MAPK10: variants seen among roughly 807,000 people sequenced by gnomAD.
MAPK10 encodes the protein mitogen-activated protein kinase 10.
MAPK10 carries 25 observed loss-of-function variants against 59.3 expected under a neutral mutation model. The observed-to-expected ratio is 0.42, with a 90% CI of 0.31 to 0.59. The LOEUF (loss-of-function observed/expected upper bound fraction) is 0.59, where lower values mean the gene tolerates loss of function less well. Ranked by LOEUF, MAPK10 falls within the 20% of genes least tolerant of loss-of-function variation. MAPK10 has a pLI of 0.15. For missense variants in MAPK10, 351 were observed against 568.9 expected (o/e 0.62, Z 3.90); for synonymous variants, 190 against 200.5 (o/e 0.95, Z 0.44).
intron 1 of MAPK10, among the ~76,000 whole-genome samples, chr4:86,502,908 T>G (rs1323606389): frequency 1.3e-5 from 2 of 152,108 alleles, no homozygotes; most frequent in Admixed American, 6.6e-5. Flanking sequence ...GTGAGGCTTA[T>G]TCTGTGTGGA....
At chr4:86,300,847 A>G (rs889063266) in intron 2 of MAPK10, 1 of 151,820 alleles carries the variant, frequency 6.6e-6, no homozygotes, top group Non-Finnish European at 1.5e-5. Flanking sequence ...TCTTCATGAC[A>G]ACATCTTGAC....
intron 2 of MAPK10, among the ~76,000 whole-genome samples, chr4:86,345,963 T>C (rs1315438793): frequency 1.3e-5 from 2 of 152,210 alleles, no homozygotes; most frequent in Non-Finnish European, 2.9e-5. Flanking sequence ...TGAATAGCAA[T>C]GGTTGAAGTC....
At chr4:86,069,366 G>A (rs992127666) in intron 9 of MAPK10, among the ~76,000 whole-genome samples, 4 of 149,954 alleles carry the variant, frequency 2.7e-5, no homozygotes, top group African/African-American at 4.9e-5. Context: ...AAATGAAGGT[G>A]GGAAAAACAA....
intron 1 of MAPK10, among the ~76,000 whole-genome samples, chr4:86,382,839 G>A (rs904091217): frequency 1.3e-5 from 2 of 152,122 alleles, no homozygotes; most frequent in African/African-American, 4.8e-5. Flanking sequence ...AACGTGACAG[G>A]CAGTGGAGTA....
chr4:86,442,243 CAA>C lies in MAPK10; in HGVS notation c.-122+10785_-122+10786del, dbSNP rs138819609. Among the ~76,000 whole-genome samples the C allele has an allele frequency of 2.3e-3, 343 of 152,184 alleles. 2 individuals are homozygous for C. The highest frequency in any genetic ancestry group is 8.0e-3 in the African/African-American group (333 of 41,530). ...TAATAATCCATATAATGTTATTTTT[CAA>C]AGTCTTTCAAATTATTTCAATATTT... is the stretch of plus-strand genomic sequence containing the variant. On this transcript the variant is annotated intron_variant, in intron 1 of 13. Coordinates refer to the MAPK10 transcript ENST00000361569.
At chr4:86,296,044 T>C (rs1423337629) in intron 2 of MAPK10, among the ~76,000 whole-genome samples, 1 of 151,154 alleles carries the variant, frequency 6.6e-6, no homozygotes, top group Non-Finnish European at 1.5e-5. Context: ...GGCTTGGTGG[T>C]GGGCATCTGT....
At chr4:86,081,303 T>G (rs1209129541) in intron 9 of MAPK10, 5 of 152,032 alleles carry the variant, frequency 3.3e-5, no homozygotes, top group Non-Finnish European at 7.4e-5. Context: ...TCCAGTAAAG[T>G]TATAGCACAA....
intron 1 of MAPK10, among the ~76,000 whole-genome samples, chr4:86,577,945 A>G (rs527466361): frequency 1.3e-5 from 2 of 152,236 alleles, no homozygotes; most frequent in Non-Finnish European, 2.9e-5. Context: ...TCCTGATACT[A>G]GGATTAAGGT....
intron 3 of MAPK10, chr4:86,193,943 C>T (rs1358134592): frequency 5.3e-6 from 1 of 189,264 alleles, no homozygotes. Flanking sequence ...AGCATCTGCG[C>T]CAGAGTGCAC....
At chr4:86,216,314 A>G (rs2087610231) in intron 2 of MAPK10, among the ~76,000 whole-genome samples, 1 of 148,320 alleles carries the variant, frequency 6.7e-6, no homozygotes, top group Non-Finnish European at 1.5e-5. Flanking sequence ...ATATATATAT[A>G]TATAGCCACA....
intron 4 of MAPK10, among the ~76,000 whole-genome samples, chr4:86,137,532 G>A (rs2062520792): frequency 7.5e-6 from 1 of 132,852 alleles, no homozygotes; most frequent in Non-Finnish European, 1.6e-5. Flanking sequence ...TGCATTCAAA[G>A]CAGTGTGTAG....
chr4:86,358,001 C>T, intron 1 of MAPK10: 1 of 892,458 alleles, frequency 1.1e-6, no homozygotes, highest in Non-Finnish European at 1.3e-6. Context: ...ACCCAGTTTG[C>T]TCCACATAAG....
At chr4:86,096,888 G>A (rs1437929980) in intron 9 of MAPK10, among the ~76,000 whole-genome samples, 1 of 151,880 alleles carries the variant, frequency 6.6e-6, no homozygotes, top group Non-Finnish European at 1.5e-5. Context: ...AAGGAACATG[G>A]AGCAAACAGA....
At chr4:86,052,386 TTAAGAATTAAATTTGGAGTAAAGGAAC>T (rs1470593929) in intron 11 of MAPK10, among the ~76,000 whole-genome samples, 1 of 152,110 alleles carries the variant, frequency 6.6e-6, no homozygotes, top group East Asian at 1.9e-4. Context: ...TTTCAAAATT[TTAAGAATTAAATTTGGAGTAAAGGAAC>T]TCCGAAGATC....
chr4:86,328,105 TGAA>T (rs2096069239), intron 2 of MAPK10, among the ~76,000 whole-genome samples: 1 of 152,154 alleles, frequency 6.6e-6, no homozygotes, highest in South Asian at 2.1e-4. Flanking sequence ...TCTTTCCTCA[TGAA>T]GGAGATTAAA....
intron 1 of MAPK10, among the ~76,000 whole-genome samples, chr4:86,506,489 TAGC>T (rs1755747228): frequency 6.6e-6 from 1 of 152,152 alleles, no homozygotes; most frequent in Admixed American, 6.6e-5. Flanking sequence ...AACAGACTCT[TAGC>T]TGCTGCCTGG....
intron 1 of MAPK10, among the ~76,000 whole-genome samples, chr4:86,407,654 A>C (rs1285653070): frequency 6.9e-6 from 1 of 145,816 alleles, no homozygotes; most frequent in Non-Finnish European, 1.5e-5. Context: ...TAGGCACTCA[A>C]TGTTTATAAA....
intron 2 of MAPK10, among the ~76,000 whole-genome samples, chr4:86,202,735 G>A (rs920876914): frequency 6.6e-6 from 1 of 151,756 alleles, no homozygotes; most frequent in African/African-American, 2.4e-5. Context: ...CAGCACCACC[G>A]CCCCAAAACA....
At chr4:86,051,929 A>T (rs116150967) in intron 11 of MAPK10, among the ~76,000 whole-genome samples, 38 of 152,338 alleles carry the variant, frequency 2.5e-4, no homozygotes, top group African/African-American at 8.9e-4. Flanking sequence ...TCCGAAAAAC[A>T]AAGTGGAAAC....
Sources: gnomAD v4.1 joint callset for allele counts (sites outside exome capture counted in the v4.1 genomes callset) on GRCh38, gnomAD v4.1.1 for gene constraint, MANE v1.5 for transcripts, NCBI Gene and HGNC (gene_info 2026-07-23, HGNC 2026-07-21) for gene names.